STAG1: variants seen among roughly 807,000 people sequenced by gnomAD.
STAG1 encodes the protein cohesin subunit SA-1.
A neutral mutation model predicts 170.9 loss-of-function variants in STAG1; 26 were observed. The ratio of observed to expected loss-of-function variants is 0.15; its 90% CI spans 0.11 to 0.21. STAG1 has a LOEUF of 0.21. STAG1 is among the 10% of genes least tolerant of loss of function. The pLI is 1.00. For missense variants in STAG1, 964 were observed against 1,509.5 expected, an observed-to-expected ratio of 0.64 and a Z score of 5.99; for synonymous variants, 514 against 497.7, an observed-to-expected ratio of 1.03 and a Z score of -0.44.
rs1940564660 is a variant in STAG1 at position 136,636,486 on chromosome 3, TA to T, written c.-83-5506del. ...GGAATTTAACTATTTTACTCATGTT[TA>T]TATCAAATCAAGTATATTAACAGAA... On this transcript the variant is annotated intron_variant, in intron 1 of 33. Transcript: ENST00000383202. Among the ~76,000 whole-genome samples the T allele has an allele frequency of 2.6e-5, 4 of 152,256 alleles. 1 individual carries two copies. The highest frequency in any genetic ancestry group is 2.6e-4 in the Admixed American group (4 of 15,292).
At chr3:136,692,135 T>A in intron 1 of STAG1, among the ~76,000 whole-genome samples, 1 of 150,912 alleles carries the variant, frequency 6.6e-6, no homozygotes, top group East Asian at 1.9e-4. Flanking sequence ...GCCAACATGA[T>A]GAAACCCTGT....
At chr3:136,506,476 CAA>C (rs11414654) in intron 7 of STAG1, among the ~76,000 whole-genome samples, 15 of 85,328 alleles carry the variant, frequency 1.8e-4, no homozygotes, top group East Asian at 4.2e-4. Flanking sequence ...ACTAAAAATA[CAA>C]AAAAAAAAAA....
intron 6 of STAG1, among the ~76,000 whole-genome samples, chr3:136,525,875 G>T (rs1258179663): frequency 1.3e-5 from 2 of 152,156 alleles, no homozygotes; most frequent in African/African-American, 4.8e-5. Flanking sequence ...TTCAGGAGCA[G>T]GTTGTTTAGT....
At chr3:136,422,059 A>G (rs1194880317) in intron 19 of STAG1, among the ~76,000 whole-genome samples, 1 of 151,918 alleles carries the variant, frequency 6.6e-6, no homozygotes, top group Non-Finnish European at 1.5e-5. Context: ...AGGCAGGAGA[A>G]TCACTTGAAC....
chr3:136,567,951 T>C (rs1328375505), intron 5 of STAG1, among the ~76,000 whole-genome samples: 1 of 152,070 alleles, frequency 6.6e-6, no homozygotes, highest in Non-Finnish European at 1.5e-5. Context: ...AAATTACACA[T>C]ACTTTAACAC....
At chr3:136,444,978 A>C (rs1342895166) in intron 14 of STAG1, among the ~76,000 whole-genome samples, 4 of 150,334 alleles carry the variant, frequency 2.7e-5, no homozygotes, top group African/African-American at 4.9e-5. Context: ...CTCCGAACTT[A>C]GCCCCTGGAG....
chr3:136,513,822 A>C (rs1219747256), intron 7 of STAG1, among the ~76,000 whole-genome samples: 4 of 152,302 alleles, frequency 2.6e-5, no homozygotes, highest in African/African-American at 9.6e-5. Flanking sequence ...GAAAGAAAGA[A>C]AACAAAAGAT....
At chr3:136,745,887 T>C (rs2107956367) in intron 1 of STAG1, among the ~76,000 whole-genome samples, 1 of 152,318 alleles carries the variant, frequency 6.6e-6, no homozygotes, top group Admixed American at 6.5e-5. Context: ...GAAATTTGTG[T>C]TGAGCCACAT....
chr3:136,336,663 T>G lies in STAG1; in HGVS notation c.*1591A>C, dbSNP rs922894758. On this transcript the variant is annotated 3_prime_UTR_variant, in exon 34 of 34. Coordinates refer to ENST00000383202, the MANE Select transcript of STAG1 (RefSeq NM_005862.3). ...AGCTCCCCTAACTGGAGCCCAAGAA[T>G]TGCTGAATTAGCAGAGAAGATATTT... is the stretch of plus-strand genomic sequence containing the variant. 3.3e-5 allele frequency: 5 copies of G among 152,206 alleles called. No individual in the cohort carries two copies. Among genetic ancestry groups the G allele is most frequent in the Non-Finnish European group, 5.9e-5 (4 of 68,052 alleles). The allele number at this position is 152,206 out of a possible 1,614,324, so 9.4% of individuals were successfully genotyped here.
At chr3:136,466,123 C>T (rs1296976499) in intron 12 of STAG1, among the ~76,000 whole-genome samples, 4 of 152,182 alleles carry the variant, frequency 2.6e-5, no homozygotes, top group Non-Finnish European at 5.9e-5. Flanking sequence ...AACAGAGCTC[C>T]TCACCAGCAA....
At chr3:136,708,427 A>G (rs556688551) in intron 1 of STAG1, among the ~76,000 whole-genome samples, 1 of 152,176 alleles carries the variant, frequency 6.6e-6, no homozygotes, top group Non-Finnish European at 1.5e-5. Context: ...ATAGAGATAG[A>G]AAGCATATTA....
chr3:136,489,844 TTAG>T (rs1269399817), intron 9 of STAG1, among the ~76,000 whole-genome samples: 1 of 152,086 alleles, frequency 6.6e-6, no homozygotes, highest in Non-Finnish European at 1.5e-5. Context: ...GTGCTGAAAG[TTAG>T]TAAAGAGTGT....
intron 4 of STAG1, chr3:136,591,556 G>GAAAA: frequency 2.8e-6 from 1 of 356,550 alleles, no homozygotes; most frequent in Non-Finnish European, 5.5e-6. Context: ...ATCTCTATTT[G>GAAAA]AAAAAAAAAA....
chr3:136,692,313 CAAAAAAAAAAAAAAAAA>C (rs71157399), intron 1 of STAG1, among the ~76,000 whole-genome samples: 2 of 46,236 alleles, frequency 4.3e-5, no homozygotes, highest in South Asian at 7.5e-4. Flanking sequence ...GACTCCATCT[CAAAAAAAAAAAAAAAAA>C]AAAAAAAAAG....
At chr3:136,356,635 G>A (rs1024037698) in intron 28 of STAG1, among the ~76,000 whole-genome samples, 18 of 152,144 alleles carry the variant, frequency 1.2e-4, no homozygotes, top group Admixed American at 1.2e-3. Flanking sequence ...TCCTGCTTCA[G>A]CCTCCTTACA....
At chr3:136,396,538 T>C (rs1455006487) in intron 22 of STAG1, among the ~76,000 whole-genome samples, 1 of 127,536 alleles carries the variant, frequency 7.8e-6, no homozygotes, top group Non-Finnish European at 1.6e-5. Context: ...TTTTTTTTTT[T>C]TTTTTTTTGG....
At chr3:136,714,754 A>G (rs1233041944) in intron 1 of STAG1, among the ~76,000 whole-genome samples, 2 of 149,744 alleles carry the variant, frequency 1.3e-5, no homozygotes, top group Non-Finnish European at 3.0e-5. Flanking sequence ...AAATAAATAA[A>G]ATAAATTAGC....
chr3:136,577,420 G>T (rs971716329), intron 4 of STAG1, among the ~76,000 whole-genome samples: 4 of 152,150 alleles, frequency 2.6e-5, no homozygotes, highest in Non-Finnish European at 5.9e-5. Flanking sequence ...CAAAGAATGG[G>T]ATCCAAAAAC....
intron 22 of STAG1, among the ~76,000 whole-genome samples, chr3:136,383,481 A>G (rs1938088793): frequency 6.6e-6 from 1 of 152,166 alleles, no homozygotes; most frequent in African/African-American, 2.4e-5. Context: ...ATTCATTATG[A>G]AAAAAAGTAA....
Sources: gnomAD v4.1 joint callset for allele counts (sites outside exome capture counted in the v4.1 genomes callset) on GRCh38, gnomAD v4.1.1 for gene constraint, MANE v1.5 for transcripts, NCBI Gene and HGNC (gene_info 2026-07-23, HGNC 2026-07-21) for gene names.